The following COL1A2 variants were observed in gnomAD, a reference collection of about 807,000 sequenced individuals.
The protein encoded by COL1A2 is collagen type I alpha 2 chain, also known as collagen alpha-2(I) chain.
In COL1A2, 49 loss-of-function variants were observed where a neutral mutation model predicts 174.3. That is an observed-to-expected ratio of 0.28 (90% CI 0.22 to 0.36). The LOEUF is 0.36. COL1A2 is among the 10% of genes least tolerant of loss of function. The pLI is 1.00. For synonymous variants in COL1A2, 655 were observed against 606.6 expected (o/e 1.08, Z -1.17); for missense variants, 1,438 against 1,822.7 (o/e 0.79, Z 3.84).
At chr7:94,420,003 G>A (rs562552951) in intron 34 of COL1A2, among the ~76,000 whole-genome samples, 1 of 152,260 alleles carries the variant, frequency 6.6e-6, no homozygotes, top group African/African-American at 2.4e-5. Flanking sequence ...TGGTATTGTA[G>A]GCACTGATTT....
intron 30 of COL1A2, among the ~76,000 whole-genome samples, chr7:94,416,154 G>C (rs1792037773): frequency 6.6e-6 from 1 of 152,122 alleles, no homozygotes; most frequent in Non-Finnish European, 1.5e-5. Flanking sequence ...TGCAAAAATT[G>C]AATATTATAC....
chr7:94,400,953 A>T (rs1268622075), intron 5 of COL1A2, among the ~76,000 whole-genome samples: 1 of 152,220 alleles, frequency 6.6e-6, no homozygotes, highest in Non-Finnish European at 1.5e-5. Context: ...CTTATCTATG[A>T]ATTGCATTAA....
In COL1A2 at chr7:94,411,125, C is replaced by T; in HGVS notation, c.1321C>T (p.Pro441Ser). 6.3e-7 allele frequency: 1 copy of T among 1,594,336 alleles called. No individual in the cohort carries two copies. The highest frequency in any genetic ancestry group is 1.1e-5 in the South Asian group (1 of 88,158). Residue 441 changes from proline to serine, a missense_variant, in exon 23 of 52, where the codon CCT becomes TCT. Transcript: ENST00000297268. ...AGGACCTAATGGAGATGCTGGTCGC[C>T]CTGGGGAGCCTGGTCTCATGGGACC... is the stretch of plus-strand genomic sequence containing the variant. ...VRGPNGDAGR[P>S]GEPGLMGPRG...
intron 4 of COL1A2, chr7:94,399,961 AT>A: frequency 3.2e-6 from 2 of 620,272 alleles, no homozygotes; most frequent in Non-Finnish European, 5.8e-6. Flanking sequence ...GTATGAATTA[AT>A]ATTCAATGGC....
chr7:94,410,848 A>C, intron 21 of COL1A2, 41 bp from the exon 22 acceptor site: 1 of 1,600,542 alleles, frequency 6.2e-7, no homozygotes, highest in African/African-American at 1.3e-5. Flanking sequence ...CAAAGCCAAG[A>C]GATTTCTTTA....
chr7:94,406,583 G>A (rs1232727570), intron 12 of COL1A2, among the ~76,000 whole-genome samples: 1 of 151,892 alleles, frequency 6.6e-6, no homozygotes, highest in Non-Finnish European at 1.5e-5. Context: ...TATAATTCCA[G>A]TGTATCTCTG....
intron 40 of COL1A2, 118 bp downstream of exon 40, chr7:94,423,236 C>T (rs1792206234): frequency 8.2e-7 from 1 of 1,225,034 alleles, no homozygotes; most frequent in Non-Finnish European, 1.2e-6. Flanking sequence ...TCAAGTAGAG[C>T]TCAGTTGAGC....
rs1050052801 is a variant in COL1A2 at position 94,428,604 on chromosome 7, G to C, written c.3711+127G>C. 1.9e-5 allele frequency: 17 copies of C among 908,932 alleles called. No individual in the cohort carries two copies. The African/African-American group carries it at 2.3e-4, about 12-fold the overall frequency. The allele number at this position is 908,932 out of a possible 1,614,324, so 56.3% of individuals were successfully genotyped here. On this transcript the variant is annotated intron_variant, in intron 50 of 51. Transcript: ENST00000297268. ...AAAAAAAGACCTGTTCCTTTCCTGG[G>C]TTCCAATTTTGTCCTAAATTGCACA...
intron 28 of COL1A2, 95 bp from the exon 29 acceptor site, chr7:94,414,127 T>C (rs1453314705): frequency 7.2e-7 from 1 of 1,393,576 alleles, no homozygotes; most frequent in African/African-American, 1.4e-5. Flanking sequence ...CGTGCTCATG[T>C]TGATATTTGG....
intron 51 of COL1A2, 81 bp downstream of exon 51, chr7:94,429,511 T>G: frequency 6.8e-7 from 1 of 1,478,242 alleles, no homozygotes; most frequent in Non-Finnish European, 9.4e-7. Flanking sequence ...CAAGGGGGGG[T>G]CTAAAGGGGG....
chr7:94,426,966 C>A, intron 46 of COL1A2, 42 bp from the exon 47 acceptor site: 3 of 1,565,726 alleles, frequency 1.9e-6, no homozygotes, highest in African/African-American at 1.4e-5. Flanking sequence ...TGTCTCTTGA[C>A]ATGTGCTCTG....
intron 30 of COL1A2, 148 bp downstream of exon 30, chr7:94,415,418 C>T: frequency 1.4e-6 from 1 of 727,124 alleles, no homozygotes. Context: ...CATTAGATTT[C>T]TAAGTTGATA....
chr7:94,429,203 G>C lies in COL1A2; in HGVS notation c.3727G>C (p.Glu1243Gln), dbSNP rs749469328. 2 of 1,608,454 alleles carry C rather than the reference G, an allele frequency of 1.2e-6. No individual in the cohort carries two copies. Residue 1243 changes from glutamate (E) to glutamine (Q), a missense_variant, in exon 51 of 52, where the codon GAA becomes CAA. Glu to Gln is a conservative substitution (Grantham distance 29). This residue lies in a region of COL1A2 where 290 missense variants were observed against 298.1 expected (regional missense o/e 0.97). Transcript: ENST00000297268. ...NAGSQFEYNV[E>Q]GVTSKEMATQ... is the part of the protein sequence containing the mutation. The stretch of plus-strand genomic sequence containing the variant: ...TTTTCTGTAGTTTGAATATAATGTA[G>C]AAGGAGTGACTTCCAAGGAAATGGC...
At chr7:94,424,882 C>G (rs41317734) in intron 41 of COL1A2, 1 of 560,874 alleles carries the variant, frequency 1.8e-6, no homozygotes, top group Non-Finnish European at 3.2e-6. Context: ...CTGAATGACA[C>G]GAGGCTCACT....
At chr7:94,400,171 A>T (rs770491939) in intron 4 of COL1A2, 25 bp from the exon 5 acceptor site, 1 of 1,610,566 alleles carries the variant, frequency 6.2e-7, no homozygotes, top group Non-Finnish European at 8.5e-7. Context: ...GTCTAACCTG[A>T]CCTTACTCAC....
intron 41 of COL1A2, 149 bp from the exon 42 acceptor site, chr7:94,424,968 A>G: frequency 1.4e-6 from 1 of 710,530 alleles, no homozygotes; most frequent in South Asian, 1.6e-5. Context: ...GATGATACTA[A>G]TGATACTTCT....
intron 2 of COL1A2, 107 bp from the exon 3 acceptor site, chr7:94,398,275 G>A (rs1284049775): frequency 1.6e-5 from 6 of 369,310 alleles, no homozygotes; most frequent in African/African-American, 8.7e-5. Context: ...AATGCATAAT[G>A]TAATGAATTG....
At chr7:94,419,692 C>T in intron 34 of COL1A2, 141 bp downstream of exon 34, 1 of 919,360 alleles carries the variant, frequency 1.1e-6, no homozygotes, top group Non-Finnish European at 1.8e-6. Context: ...GATAGAGCAG[C>T]AGGAAACAAA....
chr7:94,400,434 G>A (rs1329134652), intron 5 of COL1A2, 146 bp downstream of exon 5: 2 of 801,118 alleles, frequency 2.5e-6, no homozygotes, highest in Non-Finnish European at 4.1e-6. Flanking sequence ...TTTCACTCAA[G>A]ATTCTGCTTT....
Sources: gnomAD v4.1 joint callset for allele counts (sites outside exome capture counted in the v4.1 genomes callset) on GRCh38, gnomAD v4.1.1 for gene constraint, gnomAD v4.1.1 regional missense constraint, MANE v1.5 for transcripts, NCBI Gene and HGNC (gene_info 2026-07-23, HGNC 2026-07-21) for gene names.